RSRP1: variants seen among roughly 807,000 people sequenced by gnomAD.
RSRP1 encodes arginine/serine-rich protein 1.
RSRP1 carries 37 observed loss-of-function variants against 33.0 expected under a neutral mutation model. The ratio of observed to expected loss-of-function variants is 1.12; its 90% confidence interval spans 0.86 to 1.48. The LOEUF (loss-of-function observed/expected upper bound fraction) is 1.48, where lower values mean the gene tolerates loss of function less well. Among genes scored for constraint, RSRP1 ranks in the 40% most tolerant of loss-of-function variants. The pLI, the probability that RSRP1 is intolerant of heterozygous loss-of-function variation, is 0.00. For synonymous variants in RSRP1, 167 were observed against 158.7 expected, an observed-to-expected ratio of 1.05 and a Z score of -0.40; for missense variants, 402 against 385.3, an observed-to-expected ratio of 1.04 and a Z score of -0.36.
rs192139469 is a variant in RSRP1 at position 25,311,388 on chromosome 1, G to A, written c.-67+26590C>T. 4.6e-3 allele frequency among the ~76,000 whole-genome samples: 606 copies of A among 131,134 alleles called. 80 individuals carry two copies. Among genetic ancestry groups the A allele is most frequent in the African/African-American group, 0.014 (550 of 38,576 alleles). 86.0% of individuals were successfully genotyped at this position (131,134 alleles called of 152,430 possible). A position where few individuals can be genotyped will look rare whatever the true frequency, so the allele number is the denominator to read the frequency against. ...TAGTACACATAAATTAGCCAGGCGT[G>A]GTGGTGGGCGCCTGTATTCCCAGCT... On this transcript the variant is annotated intron_variant, in intron 1 of 1. Transcript: ENST00000561867.
At chr1:25,252,891 A>G (rs2124553479) in intron 1 of RSRP1, among the ~76,000 whole-genome samples, 1 of 152,160 alleles carries the variant, frequency 6.6e-6, no homozygotes, top group Non-Finnish European at 1.5e-5. Context: ...GCCTTTTGTC[A>G]TTGGACTCAA....
In RSRP1 at chr1:25,246,433, G is replaced by A. The variant is rs1639399703; in HGVS notation, c.520+11C>T. The stretch of plus-strand genomic sequence containing the variant: ...CATTACCACAAATGGAAAGGTAAAT[G>A]ACCCACCCACCTTTTTCACTTAAGC... On this transcript the variant is annotated intron_variant, in intron 2 of 4. Transcript: ENST00000243189. 1.2e-6 allele frequency: 2 copies of A among 1,611,076 alleles called. No homozygotes were observed. The highest frequency in any genetic ancestry group is 1.1e-5 in the South Asian group (1 of 91,040).
Position 25,318,703 on chromosome 1 carries a change from CAAATA to C in RSRP1, c.-67+19270_-67+19274del, listed in dbSNP as rs1557563884. On this transcript the variant is annotated intron_variant, in intron 1 of 1. Coordinates refer to the RSRP1 transcript ENST00000561867. ...GTGTCCCTAAGCAGGAGGTGAATGC[CAAATA>C]AGAGACAAATGGCGTAAGACACTAT... is the stretch of plus-strand genomic sequence containing the variant. Among the ~76,000 whole-genome samples the C allele has an allele frequency of 3.0e-5, 4 of 132,682 alleles. 1 individual carries two copies. In the East Asian group the frequency reaches 7.8e-4, roughly 26 times the overall value. 87.0% of individuals were successfully genotyped at this position (132,682 alleles called of 152,430 possible).
chr1:25,243,849 C>A (rs1388744631), intron 3 of RSRP1: 1 of 1,263,076 alleles, frequency 7.9e-7, no homozygotes, highest in Admixed American at 3.8e-5. Context: ...ATTTTACTTC[C>A]CTGCTGGCAA....
chr1:25,254,461 A>G (rs965140175), intron 1 of RSRP1, among the ~76,000 whole-genome samples: 5 of 65,872 alleles, frequency 7.6e-5, no homozygotes, highest in African/African-American at 3.1e-4. Context: ...TTTGAGACAG[A>G]GTCTCACTCT....
intron 1 of RSRP1, 111 bp downstream of exon 1, chr1:25,247,198 T>C (rs1258329036): frequency 6.4e-6 from 3 of 472,274 alleles, no homozygotes; most frequent in Admixed American, 3.8e-5. Context: ...GGCCGCGGCC[T>C]TGAAGCGAAA....
In RSRP1 at chr1:25,313,995, G is replaced by A. The variant is rs185666151; in HGVS notation, c.-67+23983C>T. On this transcript the variant is annotated intron_variant, in intron 1 of 1. Transcript: ENST00000561867. ...TTATCCATTATTGAGGAGGATTTGG[G>A]TAGTTTCCAGTTTGGAGCTATTATG... Among the ~76,000 whole-genome samples, 238 of 132,938 alleles carry A rather than the reference G, an allele frequency of 1.8e-3. 56 individuals carry two copies. The highest frequency in any genetic ancestry group is 3.2e-3 in the Non-Finnish European group (179 of 56,004). 87.2% of individuals were successfully genotyped at this position (132,938 alleles called of 152,430 possible).
Position 25,245,182 on chromosome 1 carries a change from T to C in RSRP1, c.640A>G (p.Ile214Val), listed in dbSNP as rs1482401960. ...VPSAKETSRG[I>V]GVSSNGAKPE... ...TTTGCACCATTACTTGATACACCTA[T>C]TCCACGGCTTGTTTCTTTGGCTGAA... is the stretch of plus-strand genomic sequence containing the variant. Residue 214 changes from isoleucine (I) to valine (V), a missense_variant, in exon 3 of 5, where the codon ATA becomes GTA. Ile to Val is a conservative substitution (Grantham distance 29). Coordinates refer to ENST00000243189, the MANE Select transcript of RSRP1 (RefSeq NM_020317.5). 8 of 1,614,058 alleles carry C rather than the reference T, an allele frequency of 5.0e-6. No homozygotes were observed. Among genetic ancestry groups the C allele is most frequent in the East Asian group, 4.5e-5 (2 of 44,898 alleles).
At chr1:25,249,348 T>A (rs1221723642), upstream of RSRP1, among the ~76,000 whole-genome samples, 1 of 152,072 alleles carries the variant, frequency 6.6e-6, no homozygotes, top group African/African-American at 2.4e-5. Flanking sequence ...AATCCTAATT[T>A]TTTTTTTTTA....
At chr1:25,268,723 G>A (rs1640402191) in intron 1 of RSRP1, among the ~76,000 whole-genome samples, 1 of 128,072 alleles carries the variant, frequency 7.8e-6, no homozygotes, top group South Asian at 2.4e-4. Flanking sequence ...TGAGGTGGGT[G>A]GATCACTTGA....
intron 2 of RSRP1, 44 bp downstream of exon 2, chr1:25,246,400 C>A: frequency 1.3e-6 from 2 of 1,594,502 alleles, no homozygotes; most frequent in South Asian, 1.1e-5. Flanking sequence ...TCATATACTG[C>A]CACCATACAT....
At chr1:25,242,935 C>A (rs1182853554) in intron 4 of RSRP1, among the ~76,000 whole-genome samples, 13 of 152,020 alleles carry the variant, frequency 8.6e-5, no homozygotes, top group South Asian at 8.3e-4. Flanking sequence ...CCTAAAAATA[C>A]AAAAATTAGC....
chr1:25,263,024 G>A (rs994974154), intron 1 of RSRP1, among the ~76,000 whole-genome samples: 6 of 152,206 alleles, frequency 3.9e-5, no homozygotes, highest in African/African-American at 1.2e-4. Flanking sequence ...ACAACTTGTA[G>A]GGGAGGCTGC....
chr1:25,331,301 A>T (rs1299550180), intron 1 of RSRP1, among the ~76,000 whole-genome samples: 1 of 131,042 alleles, frequency 7.6e-6, no homozygotes, highest in Non-Finnish European at 1.8e-5. Context: ...GTCCTATTAG[A>T]TTAGGGCTCC....
rs1372614946 is a variant in RSRP1, at chr1:25,302,016, C to G, written c.-67+35962G>C. On this transcript the variant is annotated intron_variant, in intron 1 of 1. Transcript: ENST00000561867. ...CGAGAGTCAGCAGCAACAGACTAGACTAGAATTAGCCAGCCTCTCTCTTCC... is the reference window on the plus strand; with the variant it reads ...CGAGAGTCAGCAGCAACAGACTAGAGTAGAATTAGCCAGCCTCTCTCTTCC... Among the ~76,000 whole-genome samples, 4 of 130,434 alleles carry G rather than the reference C, an allele frequency of 3.1e-5. 2 individuals carry two copies. Among genetic ancestry groups the G allele is most frequent in the Non-Finnish European group, 7.3e-5 (4 of 54,938 alleles). 85.6% of individuals were successfully genotyped at this position (130,434 alleles called of 152,430 possible).
chr1:25,301,663 C>T lies in RSRP1; in HGVS notation c.-67+36315G>A. ...AGCCATCTCAGGGTCATCCTTGGCT[C>T]ACCCCCAAGGGAAGATCAGCAAGGT... On this transcript the variant is annotated intron_variant, in intron 1 of 1. Transcript: ENST00000561867. The T allele has an allele frequency of 6.5e-6, 9 of 1,380,078 alleles. 3 individuals are homozygous for T. Among genetic ancestry groups the T allele is most frequent in the Non-Finnish European group, 8.2e-6 (8 of 979,018 alleles). The allele number at this position is 1,380,078 out of a possible 1,614,324, so 85.5% of individuals were successfully genotyped here.
Position 25,281,466 on chromosome 1 carries a change from T to A in RSRP1, c.-66-34437A>T, listed in dbSNP as rs1473596261. ...ATTGCTACAAAATGGCAGATGCACT[T>A]TAACAATCGTGTTTAATAAAAGGTT... is the stretch of plus-strand genomic sequence containing the variant. On this transcript the variant is annotated intron_variant, in intron 1 of 1. Coordinates refer to the RSRP1 transcript ENST00000561867. Among the ~76,000 whole-genome samples the A allele has an allele frequency of 2.3e-5, 3 of 132,026 alleles. 1 individual carries two copies. Among genetic ancestry groups the A allele is most frequent in the Non-Finnish European group, 5.4e-5 (3 of 55,842 alleles). 86.6% of individuals were successfully genotyped at this position (132,026 alleles called of 152,430 possible).
chr1:25,301,133 G>C, intron 1 of RSRP1: 1 of 1,361,820 alleles, frequency 7.3e-7, no homozygotes, highest in Non-Finnish European at 1.0e-6. Context: ...TACTTGGGCT[G>C]AGCAGAATGG....
chr1:25,295,686 G>A lies in RSRP1; in HGVS notation c.-67+42292C>T, dbSNP rs547611920. Among the ~76,000 whole-genome samples the A allele has an allele frequency of 1.8e-3, 197 of 107,408 alleles. 58 individuals carry two copies. The highest frequency in any genetic ancestry group is 3.7e-3 in the Non-Finnish European group (163 of 44,638). 70.5% of individuals were successfully genotyped at this position (107,408 alleles called of 152,430 possible). ...TAAGATCATTTGTGGAAGAATGATG[G>A]AGAGAAAGGCTGAAGGGCAGGGGCT... On this transcript the variant is annotated intron_variant, in intron 1 of 1. Transcript: ENST00000561867.
Sources: allele counts gnomAD v4.1 joint callset (sites outside exome capture counted in the v4.1 genomes callset), GRCh38; gene constraint gnomAD v4.1.1; transcripts MANE v1.5; gene names NCBI Gene and HGNC (gene_info 2026-07-23, HGNC 2026-07-21).